The following SESN3 variants were observed in gnomAD, a reference collection of about 807,000 sequenced individuals.
SESN3 encodes sestrin 3, also known as sestrin-3.
Under a neutral mutation model 55.3 loss-of-function variants are expected in SESN3, and 21 were observed. The ratio of observed to expected loss-of-function variants is 0.38; its 90% CI spans 0.27 to 0.55. SESN3 has a LOEUF of 0.55. SESN3 is among the 20% of genes least tolerant of loss of function. The pLI, the probability that SESN3 is intolerant of heterozygous loss-of-function variation, is 0.76. For missense variants in SESN3, 408 were observed against 604.3 expected (o/e 0.68, Z 3.41); for synonymous variants, 181 against 203.1 (o/e 0.89, Z 0.93).
At chr11:95,210,784 A>T (rs1412774661) in intron 1 of SESN3, among the ~76,000 whole-genome samples, 1 of 152,226 alleles carries the variant, frequency 6.6e-6, no homozygotes, top group African/African-American at 2.4e-5. Context: ...TTGTATTTTT[A>T]AAAAGTTAAT....
At chr11:95,207,869 T>TGAAAA (rs1860579758) in intron 1 of SESN3, among the ~76,000 whole-genome samples, 1 of 151,302 alleles carries the variant, frequency 6.6e-6, no homozygotes, top group Non-Finnish European at 1.5e-5. Flanking sequence ...AGACTGGGTT[T>TGAAAA]CATCATGTTG....
chr11:95,192,552 A>C (rs1161706837), intron 2 of SESN3, among the ~76,000 whole-genome samples: 1 of 152,106 alleles, frequency 6.6e-6, no homozygotes, highest in Non-Finnish European at 1.5e-5. Context: ...CCTAAAGCCC[A>C]GACTAATGGT....
At chr11:95,210,496 C>T (rs1292008667) in intron 1 of SESN3, among the ~76,000 whole-genome samples, 1 of 152,116 alleles carries the variant, frequency 6.6e-6, no homozygotes, top group Non-Finnish European at 1.5e-5. Context: ...CAATGTAACA[C>T]CAGATATGAA....
At chr11:95,184,310 A>G in intron 6 of SESN3, 110 bp downstream of exon 6, 1 of 864,584 alleles carries the variant, frequency 1.2e-6, no homozygotes, top group African/African-American at 1.7e-5. Flanking sequence ...AGAACTAAAT[A>G]AGAGAAAGAT....
At position 95,189,884 on chromosome 11, in the gene SESN3, C is replaced by G; in HGVS notation, c.420G>C (p.Glu140Asp). Residue 140 changes from glutamate (E) to aspartate (D), a missense_variant, in exon 4 of 10, where the codon GAG becomes GAC. Glu to Asp is a conservative substitution (Grantham distance 45, BLOSUM62 2). Coordinates refer to ENST00000536441, the MANE Select transcript of SESN3 (RefSeq NM_144665.4). ...DEFLKTGGIA[E>D]WLNGLEYVPQ... ...GCACATATTCCAAACCATTCAACCA[C>G]TCAGCAATACCTCCAGTCTTTAAAA... The G allele has an allele frequency of 6.2e-7, 1 of 1,611,628 alleles. No homozygotes were observed. Among genetic ancestry groups the G allele is most frequent in the Non-Finnish European group, 8.5e-7 (1 of 1,178,510 alleles).
chr11:95,219,327 GTTTT>G (rs1157264806), intron 1 of SESN3, among the ~76,000 whole-genome samples: 1 of 151,170 alleles, frequency 6.6e-6, no homozygotes, highest in Non-Finnish European at 1.5e-5. Context: ...TTAGTTTTAA[GTTTT>G]TTTTTCTTTA....
chr11:95,214,643 AAG>A (rs1291266215), intron 1 of SESN3, among the ~76,000 whole-genome samples: 12 of 152,068 alleles, frequency 7.9e-5, no homozygotes, highest in Non-Finnish European at 1.3e-4. Context: ...AATATTGTCC[AAG>A]AGATTCAAAA....
chr11:95,210,024 AAAAAAAAAAAAAAAAAAG>A (rs957464310), intron 1 of SESN3, among the ~76,000 whole-genome samples: 6 of 143,154 alleles, frequency 4.2e-5, no homozygotes, highest in Non-Finnish European at 7.9e-5. Flanking sequence ...TCTCAAAAAA[AAAAAAAAAAAAAAAAAAG>A]AAGGATGAGT....
intron 1 of SESN3, among the ~76,000 whole-genome samples, chr11:95,223,827 G>C (rs991372820): frequency 6.6e-6 from 1 of 152,026 alleles, no homozygotes; most frequent in Non-Finnish European, 1.5e-5. Flanking sequence ...GAACCCCTTC[G>C]CACTCTTAAA....
rs772878782 is a variant in SESN3, at chr11:95,170,174, G to T, written c.*3081C>A. 1 of 152,148 alleles carries T rather than the reference G, an allele frequency of 6.6e-6. No individual in the cohort carries two copies. The highest frequency in any genetic ancestry group is 1.5e-5 in the Non-Finnish European group (1 of 68,018). The allele number at this position is 152,148 out of a possible 1,614,324, so 9.4% of individuals were successfully genotyped here. A position where few individuals can be genotyped will look rare whatever the true frequency, so the allele number is the denominator to read the frequency against. On this transcript the variant is annotated 3_prime_UTR_variant, in exon 10 of 10. Transcript: ENST00000536441. ...TCATATATCCACCTGAGGAAGCCTC[G>T]TCTGAAGAAGCCAGTGAGGCACCTG... is the stretch of plus-strand genomic sequence containing the variant.
chr11:95,199,019 G>C (rs1366317528), intron 1 of SESN3, among the ~76,000 whole-genome samples: 1 of 152,010 alleles, frequency 6.6e-6, no homozygotes, highest in African/African-American at 2.4e-5. Context: ...TAACAGAAAA[G>C]TTGAGAGATA....
chr11:95,222,874 A>G (rs1860882704), intron 1 of SESN3, among the ~76,000 whole-genome samples: 1 of 152,218 alleles, frequency 6.6e-6, no homozygotes, highest in South Asian at 2.1e-4. Context: ...TAAATTGTTT[A>G]AATCACACAG....
chr11:95,189,843 T>C lies in SESN3; in HGVS notation c.461A>G (p.Asn154Ser), dbSNP rs1565466459. ...GLEYVPQRLK[N>S]LNEINKLLAH... ...TAGCAGCTTATTAATTTCATTAAGATTTTTCAGTCTTTGTGGCACATATTC... is the reference window on the plus strand; with the variant it reads ...TAGCAGCTTATTAATTTCATTAAGACTTTTCAGTCTTTGTGGCACATATTC... The change falls in exon 4 of 10, where the codon AAT (asparagine) becomes AGT (serine). Residue 154 changes from asparagine to serine, a missense_variant. Physicochemically the swap from Asn to Ser is conservative, Grantham distance 46. Transcript: ENST00000536441. The C allele has an allele frequency of 1.9e-6, 3 of 1,611,726 alleles. No homozygotes were observed. Among genetic ancestry groups the C allele is most frequent in the Non-Finnish European group, 2.5e-6 (3 of 1,178,604 alleles).
At chr11:95,198,555 T>C (rs1860405453) in intron 1 of SESN3, among the ~76,000 whole-genome samples, 1 of 152,218 alleles carries the variant, frequency 6.6e-6, no homozygotes, top group Non-Finnish European at 1.5e-5. Context: ...TTTGATCATT[T>C]AGTCAAAGAT....
intron 7 of SESN3, 147 bp from the exon 8 acceptor site, chr11:95,178,056 C>A: frequency 3.3e-6 from 2 of 599,294 alleles, no homozygotes; most frequent in Non-Finnish European, 5.7e-6. Flanking sequence ...TTACCAATAA[C>A]CCTTCACATC....
At chr11:95,214,367 A>G (rs1254085601) in intron 1 of SESN3, among the ~76,000 whole-genome samples, 10 of 152,248 alleles carry the variant, frequency 6.6e-5, no homozygotes, top group Non-Finnish European at 1.2e-4. Flanking sequence ...CCTCAAAATT[A>G]GATACAACCA....
chr11:95,200,621 C>G (rs1226873655), intron 1 of SESN3, among the ~76,000 whole-genome samples: 1 of 151,946 alleles, frequency 6.6e-6, no homozygotes, highest in East Asian at 1.9e-4. Context: ...AAAGAGCACT[C>G]AAAATTCTCC....
At chr11:95,179,347 G>C (rs1025948839) in intron 6 of SESN3, among the ~76,000 whole-genome samples, 1 of 151,994 alleles carries the variant, frequency 6.6e-6, no homozygotes, top group Non-Finnish European at 1.5e-5. Flanking sequence ...GTAGAGACAG[G>C]GTTTTGCCAT....
At chr11:95,184,237 A>T in intron 6 of SESN3, 183 bp downstream of exon 6, 1 of 609,462 alleles carries the variant, frequency 1.6e-6, no homozygotes, top group East Asian at 2.7e-5. Context: ...ACTCAATCTG[A>T]AATACATTCA....
Sources: allele counts gnomAD v4.1 joint callset (sites outside exome capture counted in the v4.1 genomes callset), GRCh38; gene constraint gnomAD v4.1.1; transcripts MANE v1.5; gene names NCBI Gene and HGNC (gene_info 2026-07-23, HGNC 2026-07-21).